Variants in SATB1 observed in about 807,000 individuals in gnomAD.
SATB1 encodes the protein SATB homeobox 1.
In SATB1, 11 loss-of-function variants were observed where a neutral mutation model predicts 86.9. That is an observed-to-expected ratio of 0.13 (90% CI 0.08 to 0.21). The LOEUF (loss-of-function observed/expected upper bound fraction) is 0.21. SATB1 is among the 10% of genes least tolerant of loss of function. The pLI, the probability that SATB1 is intolerant of heterozygous loss-of-function variation, is 1.00. For missense variants in SATB1, 551 were observed against 937.6 expected (o/e 0.59, Z 5.39); for synonymous variants, 357 against 357.2 (o/e 1.00, Z 0.01).
chr3:18,390,076 T>G (rs1175712941), intron 7 of SATB1, among the ~76,000 whole-genome samples: 2 of 152,162 alleles, frequency 1.3e-5, no homozygotes, highest in Non-Finnish European at 2.9e-5. Flanking sequence ...AATTCATTAG[T>G]AGTTGTAAAA....
intron 4 of SATB1, among the ~76,000 whole-genome samples, chr3:18,415,739 AT>A (rs767798958): frequency 6.6e-6 from 1 of 152,102 alleles, no homozygotes; most frequent in Non-Finnish European, 1.5e-5. Flanking sequence ...GTGATGCATT[AT>A]TTAATTGACT....
chr3:18,361,371 A>G (rs1694898273), intron 9 of SATB1, among the ~76,000 whole-genome samples: 1 of 152,174 alleles, frequency 6.6e-6, no homozygotes, highest in African/African-American at 2.4e-5. Flanking sequence ...CTTGGCACAC[A>G]GTAACAGTAT....
At chr3:18,382,574 T>G (rs1575118052) in intron 8 of SATB1, among the ~76,000 whole-genome samples, 1 of 152,166 alleles carries the variant, frequency 6.6e-6, no homozygotes, top group Admixed American at 6.5e-5. Context: ...GCAAAGCTTA[T>G]AGTGAAAAGA....
At chr3:18,357,059 A>G (rs930629558) in intron 9 of SATB1, among the ~76,000 whole-genome samples, 5 of 152,036 alleles carry the variant, frequency 3.3e-5, no homozygotes, top group African/African-American at 1.2e-4. Flanking sequence ...TCTTACTGCA[A>G]CTAAGAAGGA....
chr3:18,379,927 T>C (rs372904749), intron 8 of SATB1, among the ~76,000 whole-genome samples: 6 of 152,238 alleles, frequency 3.9e-5, no homozygotes, highest in South Asian at 2.1e-4. Context: ...AGGGCACTCA[T>C]AGAGATATAT....
upstream of SATB1, among the ~76,000 whole-genome samples, chr3:18,443,187 T>A (rs1699284726): frequency 6.6e-6 from 1 of 152,146 alleles, no homozygotes; most frequent in Non-Finnish European, 1.5e-5. This position sits in a 1 kb window ranked among gnomAD's most constrained non-coding sequence, Gnocchi z 4.4. Flanking sequence ...CACCGTAAAT[T>A]TCAGATTGCT....
chr3:18,349,704 A>C lies in SATB1; in HGVS notation c.1780-22T>G, dbSNP rs755515084. The C allele has an allele frequency of 2.5e-6, 4 of 1,573,954 alleles. No individual in the cohort carries two copies. Among genetic ancestry groups the C allele is most frequent in the South Asian group, 1.1e-5 (1 of 87,460 alleles). On this transcript the variant is annotated intron_variant, in intron 10 of 10. Transcript: ENST00000338745. The surrounding 1 kb of genome is among the most constrained non-coding windows in gnomAD (Gnocchi z 5.5). ...GTTGCTGCAAAGAAACAAGGAGACA[A>C]TCAGAGCTCTGCTATCGTGGAGTTC... is the stretch of plus-strand genomic sequence containing the variant.
At position 18,389,261 on chromosome 3, in the gene SATB1, GT is replaced by G. The variant is rs35192555; in HGVS notation, c.1207-2651del. 1.7e-3 allele frequency among the ~76,000 whole-genome samples: 219 copies of G among 129,678 alleles called. 1 individual carries two copies. The highest frequency in any genetic ancestry group is 2.3e-3 in the Non-Finnish European group (145 of 62,218). 85.1% of individuals were successfully genotyped at this position (129,678 alleles called of 152,430 possible). Reference sequence around the variant, plus strand: ...TCTCAGGTGTTTCAGAAACCTTTGGGTTTTTTTTTTTTTTTTTTTGGCCCAG... The same window carrying G: ...TCTCAGGTGTTTCAGAAACCTTTGGGTTTTTTTTTTTTTTTTTTGGCCCAG... On this transcript the variant is annotated intron_variant, in intron 7 of 10. Coordinates refer to ENST00000338745, the MANE Select transcript of SATB1 (RefSeq NM_002971.6).
At chr3:18,391,719 A>G (rs571867985) in intron 7 of SATB1, among the ~76,000 whole-genome samples, 2 of 152,048 alleles carry the variant, frequency 1.3e-5, no homozygotes, top group Non-Finnish European at 2.9e-5. Context: ...AACTCTGCAG[A>G]GCTCCTTGTC....
chr3:18,362,393 A>T (rs564917149), intron 9 of SATB1, among the ~76,000 whole-genome samples: 2 of 152,184 alleles, frequency 1.3e-5, no homozygotes, highest in Admixed American at 1.3e-4. Context: ...CACCACAACA[A>T]ATTCAAGCGG....
At chr3:18,425,825 G>GGGCAGGACA (rs1698675674), upstream of SATB1, among the ~76,000 whole-genome samples, 2 of 122,304 alleles carry the variant, frequency 1.6e-5, no homozygotes. Flanking sequence ...GAGGGAGGAG[G>GGGCAGGACA]GGCAGGACGG....
At chr3:18,438,548 A>G (rs906219290) in intron 1 of SATB1, 2 of 152,238 alleles carry the variant, frequency 1.3e-5, no homozygotes, top group African/African-American at 2.4e-5. Flanking sequence ...CATTACAGTA[A>G]CTTTTCTGGC....
In SATB1 at chr3:18,438,122, A is replaced by T. The variant is rs554855198; in HGVS notation, c.-108+443T>A. On this transcript the variant is annotated intron_variant, in intron 1 of 3. Transcript: ENST00000414509. ...ATTATTACAATAAAATATTTATAAC[A>T]TAAAACCTCTTTTGCCTTAAAGTCC... 3.3e-5 allele frequency among the ~76,000 whole-genome samples: 5 copies of T among 152,350 alleles called. No individual in the cohort carries two copies. In the South Asian group the frequency reaches 8.3e-4, roughly 25 times the overall value.
chr3:18,351,331 C>A lies in SATB1; in HGVS notation c.1779+661G>T, dbSNP rs941030213. On this transcript the variant is annotated intron_variant, in intron 10 of 10. Transcript: ENST00000338745. The stretch of plus-strand genomic sequence containing the variant: ...CGCTCACCTGAGGAGCAGCACCGAG[C>A]CATGGTGCAGGGGTCGGCAGGCCTG... 7.1e-6 allele frequency: 11 copies of A among 1,549,784 alleles called. No individual in the cohort carries two copies. The African/African-American group carries it at 1.2e-4, about 17-fold the overall frequency.
At chr3:18,361,545 AC>A (rs1399696060) in intron 9 of SATB1, among the ~76,000 whole-genome samples, 1 of 152,136 alleles carries the variant, frequency 6.6e-6, no homozygotes, top group East Asian at 1.9e-4. Flanking sequence ...TAATAGTATT[AC>A]CACATACCCA....
chr3:18,356,419 GAAA>G (rs34464594), intron 9 of SATB1, among the ~76,000 whole-genome samples: 2 of 122,176 alleles, frequency 1.6e-5, no homozygotes, highest in African/African-American at 3.0e-5. Flanking sequence ...ATGTAAGATT[GAAA>G]AAAAAAAAAA....
At position 18,386,672 on chromosome 3, in the gene SATB1, T is replaced by C. The variant is rs1261508696; in HGVS notation, c.1207-61A>G. On this transcript the variant is annotated intron_variant, in intron 7 of 10. Coordinates refer to ENST00000338745, the MANE Select transcript of SATB1 (RefSeq NM_002971.6). This position sits in a 1 kb window ranked among gnomAD's most constrained non-coding sequence, Gnocchi z 4.5. ...CCTTGCTTTGCCTGGCCAGCAGTGA[T>C]CCTTCCCTTTTCTTCTCCACTCTGT... 9.6e-6 allele frequency: 13 copies of C among 1,350,314 alleles called. No homozygotes were observed. Among genetic ancestry groups the C allele is most frequent in the Non-Finnish European group, 1.3e-5 (12 of 944,056 alleles). The allele number at this position is 1,350,314 out of a possible 1,614,324, so 83.6% of individuals were successfully genotyped here. A position where few individuals can be genotyped will look rare whatever the true frequency, so the allele number is the denominator to read the frequency against.
chr3:18,373,148 C>T (rs1695558863), intron 9 of SATB1, among the ~76,000 whole-genome samples: 1 of 152,196 alleles, frequency 6.6e-6, no homozygotes, highest in African/African-American at 2.4e-5. Flanking sequence ...GGGCAGTTCT[C>T]TCTTTAGAAA....
chr3:18,418,766 A>T (rs1698241068), intron 2 of SATB1, among the ~76,000 whole-genome samples: 1 of 152,230 alleles, frequency 6.6e-6, no homozygotes, highest in African/African-American at 2.4e-5. Flanking sequence ...ATGCACATGA[A>T]AAATAAGATG....
Sources: gnomAD v4.1 joint callset for allele counts (sites outside exome capture counted in the v4.1 genomes callset) on GRCh38, gnomAD v4.1.1 for gene constraint, Gnocchi (gnomAD v3.1) non-coding constraint, MANE v1.5 for transcripts, NCBI Gene and HGNC (gene_info 2026-07-23, HGNC 2026-07-21) for gene names.